CSMD1: variants seen among roughly 807,000 people sequenced by gnomAD.
CSMD1 encodes the protein CUB and Sushi multiple domains 1, also known as CUB and sushi domain-containing protein 1.
A neutral mutation model predicts 417.5 loss-of-function variants in CSMD1; 213 were observed. The observed-to-expected ratio is 0.51, with a 90% CI of 0.46 to 0.57. The LOEUF is 0.57. Ranked by LOEUF, CSMD1 falls within the 20% of genes least tolerant of loss-of-function variation. The pLI, the probability that CSMD1 is intolerant of heterozygous loss-of-function variation, is 0.00. For missense variants in CSMD1, 6,923 were observed against 4,529.7 expected (o/e 1.53, Z -15.17); for synonymous variants, 2,862 against 1,736.8 (o/e 1.65, Z -16.11).
intron 2 of CSMD1, among the ~76,000 whole-genome samples, chr8:4,637,015 C>T (rs1301971241): frequency 6.6e-6 from 1 of 152,036 alleles, no homozygotes. Flanking sequence ...AAGGGCATTC[C>T]TATAGGACAG....
intron 49 of CSMD1, among the ~76,000 whole-genome samples, chr8:3,084,730 A>G (rs1048578727): frequency 2.6e-5 from 4 of 151,940 alleles, no homozygotes; most frequent in African/African-American, 9.7e-5. Context: ...ATGTTGTACA[A>G]CCTTATGCTA....
At chr8:4,092,978 A>G (rs956167146) in intron 3 of CSMD1, among the ~76,000 whole-genome samples, 1 of 152,076 alleles carries the variant, frequency 6.6e-6, no homozygotes, top group Admixed American at 6.5e-5. Flanking sequence ...GGAGTATCTT[A>G]TACATAGTGG....
intron 3 of CSMD1, among the ~76,000 whole-genome samples, chr8:4,225,876 G>T (rs1801317299): frequency 6.6e-6 from 1 of 152,108 alleles, no homozygotes; most frequent in Admixed American, 6.5e-5. Context: ...CATATATTTG[G>T]ATTCTTCTAT....
intron 5 of CSMD1, among the ~76,000 whole-genome samples, chr8:3,771,937 A>G: frequency 6.6e-6 from 1 of 152,098 alleles, no homozygotes; most frequent in Non-Finnish European, 1.5e-5. Flanking sequence ...CAACTCAACA[A>G]GCCGTGTAAT....
intron 3 of CSMD1, among the ~76,000 whole-genome samples, chr8:4,335,661 G>T (rs1800121390): frequency 6.6e-6 from 1 of 152,072 alleles, no homozygotes; most frequent in South Asian, 2.1e-4. Flanking sequence ...AAGTTGCTGG[G>T]AGCATGAAGT....
At chr8:3,195,443 G>A (rs928701917) in intron 33 of CSMD1, among the ~76,000 whole-genome samples, 6 of 152,208 alleles carry the variant, frequency 3.9e-5, no homozygotes, top group African/African-American at 1.4e-4. Flanking sequence ...TTACTTAATG[G>A]CATAGAATCA....
chr8:3,264,785 C>G lies in CSMD1; in HGVS notation c.4153+19359G>C, dbSNP rs79648392. Among the ~76,000 whole-genome samples, 357 of 152,046 alleles carry G rather than the reference C, an allele frequency of 2.3e-3. 2 individuals carry two copies. Among genetic ancestry groups the G allele is most frequent in the African/African-American group, 8.2e-3 (340 of 41,460 alleles). ...ATAGCTAGTAAAGATGAGGCTAAAC[C>G]CAGGCCAGAAACAGTGCCTCTGTTT... On this transcript the variant is annotated intron_variant, in intron 26 of 69. Transcript: ENST00000635120.
At chr8:4,132,630 T>C (rs951513005) in intron 3 of CSMD1, among the ~76,000 whole-genome samples, 15 of 152,186 alleles carry the variant, frequency 9.9e-5, no homozygotes, top group African/African-American at 3.4e-4. Flanking sequence ...GCATTCATTC[T>C]AAGCCAAATA....
At chr8:4,764,162 G>A (rs1812295778) in intron 1 of CSMD1, among the ~76,000 whole-genome samples, 2 of 152,104 alleles carry the variant, frequency 1.3e-5, no homozygotes, top group African/African-American at 4.8e-5. Flanking sequence ...TTTCTCTAAG[G>A]AGCACCCACT....
intron 3 of CSMD1, among the ~76,000 whole-genome samples, chr8:4,252,231 T>A (rs1028908507): frequency 6.6e-6 from 1 of 152,168 alleles, no homozygotes; most frequent in Non-Finnish European, 1.5e-5. Context: ...GCATAGACGT[T>A]TTCCTTTCCG....
At chr8:3,908,666 C>T (rs756912585) in intron 5 of CSMD1, among the ~76,000 whole-genome samples, 1 of 152,118 alleles carries the variant, frequency 6.6e-6, no homozygotes, top group Non-Finnish European at 1.5e-5. Context: ...GCAGGGCCTA[C>T]TCCAATAACA....
chr8:4,326,530 G>A (rs185074758), intron 3 of CSMD1, among the ~76,000 whole-genome samples: 75 of 152,286 alleles, frequency 4.9e-4, no homozygotes, highest in Admixed American at 1.6e-3. Flanking sequence ...AGTGCATAAT[G>A]AGTAATCAAA....
intron 2 of CSMD1, among the ~76,000 whole-genome samples, chr8:4,451,174 A>T (rs185432552): frequency 2.0e-5 from 3 of 152,018 alleles, no homozygotes; most frequent in African/African-American, 7.2e-5. Flanking sequence ...TCAAAATAAT[A>T]TAAAAATAAC....
intron 5 of CSMD1, among the ~76,000 whole-genome samples, chr8:3,838,133 A>T (rs960836103): frequency 2.6e-5 from 4 of 152,110 alleles, no homozygotes; most frequent in African/African-American, 9.7e-5. Context: ...ACAGCCGCAA[A>T]TATCAGAGTC....
Position 3,877,509 on chromosome 8 carries a change from T to C in CSMD1, c.818+120394A>G, listed in dbSNP as rs117518803. Among the ~76,000 whole-genome samples the C allele has an allele frequency of 8.6e-3, 1,316 of 152,244 alleles. 11 individuals carry two copies. The highest frequency in any genetic ancestry group is 0.014 in the Non-Finnish European group (951 of 68,020). ...TAAGACGAGGGAGGAAATTTACTTATGGATACCCTCAAGCTTCGATGTTCC... is the reference window on the plus strand; with the variant it reads ...TAAGACGAGGGAGGAAATTTACTTACGGATACCCTCAAGCTTCGATGTTCC... On this transcript the variant is annotated intron_variant, in intron 5 of 69. Transcript: ENST00000635120.
At chr8:4,904,118 G>A (rs1805080084) in intron 1 of CSMD1, among the ~76,000 whole-genome samples, 1 of 152,140 alleles carries the variant, frequency 6.6e-6, no homozygotes, top group African/African-American at 2.4e-5. Flanking sequence ...TCCAATGTAT[G>A]TTAGAATCAT....
chr8:4,161,177 T>G (rs745890399), intron 3 of CSMD1, among the ~76,000 whole-genome samples: 20 of 152,164 alleles, frequency 1.3e-4, no homozygotes, highest in Non-Finnish European at 2.5e-4. Context: ...GATGAAGTAC[T>G]TGCAATGTGC....
chr8:4,379,647 C>T (rs1802975247), intron 3 of CSMD1, among the ~76,000 whole-genome samples: 1 of 151,458 alleles, frequency 6.6e-6, no homozygotes, highest in Non-Finnish European at 1.5e-5. Flanking sequence ...AATGAGTCTG[C>T]TGGACTTTTT....
In CSMD1 at chr8:4,633,484, C is replaced by T. The variant is rs533993640; in HGVS notation, c.302+3858G>A. On this transcript the variant is annotated intron_variant, in intron 2 of 69. Transcript: ENST00000635120. ...CAGGATGGTCTCGATCTACTGACCT[C>T]GTGATCCAACTGCCTCGGCCTCCCA... Among the ~76,000 whole-genome samples the T allele has an allele frequency of 1.2e-3, 189 of 152,064 alleles. 2 individuals carry two copies. The South Asian group carries it at 0.025, about 20-fold the overall frequency.
Sources: gnomAD v4.1 joint callset for allele counts (sites outside exome capture counted in the v4.1 genomes callset) on GRCh38, gnomAD v4.1.1 for gene constraint, MANE v1.5 for transcripts, NCBI Gene and HGNC (gene_info 2026-07-23, HGNC 2026-07-21) for gene names.